Variants in STXBP3 observed in about 807,000 individuals in gnomAD.
STXBP3 encodes syntaxin binding protein 3.
Under a neutral mutation model 85.7 loss-of-function variants are expected in STXBP3, and 41 were observed. That is an observed-to-expected ratio of 0.48 (90% CI 0.37 to 0.62). STXBP3 has a LOEUF of 0.62. Ranked by LOEUF, STXBP3 falls within the 20% of genes least tolerant of loss-of-function variation. The probability of loss-of-function intolerance (pLI) is 0.00; values close to 1 mark genes in which losing one functional copy is unlikely to be tolerated. For synonymous variants in STXBP3, 229 were observed against 231.7 expected, an observed-to-expected ratio of 0.99 and a Z score of 0.10; for missense variants, 563 against 703.1, an observed-to-expected ratio of 0.80 and a Z score of 2.25.
At chr1:108,786,038 C>A (rs1043506723) in intron 11 of STXBP3, among the ~76,000 whole-genome samples, 6 of 152,206 alleles carry the variant, frequency 3.9e-5, no homozygotes, top group Admixed American at 3.9e-4. Context: ...TCCAAAGTTT[C>A]TTCCACATTT....
rs1439313820 is a variant in STXBP3 at position 108,796,220 on chromosome 1, T to G, written c.1111-14T>G. On this transcript the variant is annotated splice_polypyrimidine_tract_variant and intron_variant, in intron 13 of 18. Coordinates refer to ENST00000370008, the MANE Select transcript of STXBP3 (RefSeq NM_007269.4). ...TTGGTTATAGATCACTGACAATATT[T>G]TATTTTCATTAAGGACCTGGCACTT... is the stretch of plus-strand genomic sequence containing the variant. The G allele has an allele frequency of 6.3e-7, 1 of 1,596,604 alleles. No individual in the cohort carries two copies. Among genetic ancestry groups the G allele is most frequent in the Admixed American group, 1.8e-5 (1 of 54,384 alleles).
intron 3 of STXBP3, among the ~76,000 whole-genome samples, chr1:108,754,044 T>TTG (rs1443645009): frequency 6.6e-6 from 1 of 150,782 alleles, no homozygotes; most frequent in Non-Finnish European, 1.5e-5. Flanking sequence ...TTTTTTTTTT[T>TTG]TTTTTTGAGA....
Position 108,797,469 on chromosome 1 carries a change from G to A in STXBP3, c.1357-676G>A, listed in dbSNP as rs182489124. Among the ~76,000 whole-genome samples the A allele has an allele frequency of 1.4e-4, 21 of 147,436 alleles. No individual in the cohort carries two copies. The Admixed American group carries it at 1.4e-3, about 10-fold the overall frequency. On this transcript the variant is annotated intron_variant, in intron 15 of 18. Transcript: ENST00000370008. Reference sequence around the variant, plus strand: ...TCTCTGTAGCACAGGCTGGAGTGCAGTGGCATGACCTCGGCTCACGGCAAC... The same window carrying A: ...TCTCTGTAGCACAGGCTGGAGTGCAATGGCATGACCTCGGCTCACGGCAAC...
intron 6 of STXBP3, among the ~76,000 whole-genome samples, chr1:108,768,907 A>G (rs911541197): frequency 6.6e-6 from 1 of 152,150 alleles, no homozygotes; most frequent in African/African-American, 2.4e-5. Flanking sequence ...ATTTAAGGTA[A>G]GTGATGCTGT....
chr1:108,777,000 C>T (rs1175426224), intron 8 of STXBP3, among the ~76,000 whole-genome samples: 1 of 152,044 alleles, frequency 6.6e-6, no homozygotes, highest in African/African-American at 2.4e-5. Flanking sequence ...CATTGTTATC[C>T]TATGGAAATA....
intron 6 of STXBP3, among the ~76,000 whole-genome samples, chr1:108,763,731 A>G (rs564683417): frequency 1.2e-4 from 17 of 139,386 alleles, no homozygotes; most frequent in African/African-American, 4.6e-4. Context: ...ATGTGCTACC[A>G]TGCCCAGCTA....
intron 16 of STXBP3, among the ~76,000 whole-genome samples, chr1:108,799,302 G>A (rs1362122819): frequency 6.6e-6 from 1 of 151,930 alleles, no homozygotes; most frequent in African/African-American, 2.4e-5. Flanking sequence ...TTTCTCACAG[G>A]GATGATATAG....
At chr1:108,753,798 T>A (rs1159249074) in intron 3 of STXBP3, among the ~76,000 whole-genome samples, 1 of 152,104 alleles carries the variant, frequency 6.6e-6, no homozygotes, top group East Asian at 1.9e-4. Flanking sequence ...ATCCTTTAAC[T>A]CACTTATTAA....
intron 16 of STXBP3, 54 bp from the exon 17 acceptor site, chr1:108,800,166 C>G: frequency 7.6e-7 from 1 of 1,316,988 alleles, no homozygotes; most frequent in Non-Finnish European, 1.1e-6. Context: ...TTATGCCAAA[C>G]AAAGTCCTGC....
At chr1:108,790,225 T>G (rs1662947887) in intron 11 of STXBP3, among the ~76,000 whole-genome samples, 1 of 152,200 alleles carries the variant, frequency 6.6e-6, no homozygotes, top group African/African-American at 2.4e-5. Context: ...CTTTAGTCCT[T>G]TCAACTTTTG....
Position 108,746,674 on chromosome 1 carries a change from G to T in STXBP3, c.-64G>T. The T allele has an allele frequency of 3.2e-6, 5 of 1,542,088 alleles. No homozygotes were observed. The South Asian group carries it at 4.8e-5, about 15-fold the overall frequency. On this transcript the variant is annotated 5_prime_UTR_variant, in exon 1 of 19. Coordinates refer to ENST00000370008, the MANE Select transcript of STXBP3 (RefSeq NM_007269.4). ...CAAGGGGCGGGGCCACCCCAACGCC[G>T]CTTCTGCGGCCAAAGTAGGTTGGGA...
chr1:108,784,225 T>G (rs1570765401), intron 11 of STXBP3, among the ~76,000 whole-genome samples: 1 of 152,228 alleles, frequency 6.6e-6, no homozygotes, highest in Non-Finnish European at 1.5e-5. Context: ...CATTTAAGTC[T>G]GTAATTCACT....
chr1:108,806,208 T>C (rs1663328680), intron 17 of STXBP3, among the ~76,000 whole-genome samples: 1 of 152,162 alleles, frequency 6.6e-6, no homozygotes, highest in Admixed American at 6.5e-5. Flanking sequence ...TGCTAGCCAA[T>C]AGAACTTTCT....
intron 7 of STXBP3, among the ~76,000 whole-genome samples, chr1:108,773,759 G>T (rs1214978754): frequency 1.3e-5 from 2 of 152,102 alleles, no homozygotes; most frequent in Admixed American, 1.3e-4. Context: ...GAGGAAACCA[G>T]AGTACCAGGA....
intron 17 of STXBP3, 144 bp from the exon 18 acceptor site, chr1:108,807,257 C>CA (rs201346701): frequency 0.025 from 17,476 of 689,940 alleles, 135 homozygotes; most frequent in African/African-American, 0.073. Flanking sequence ...GACTCCACCT[C>CA]AAAAAAAAAA....
At chr1:108,765,693 C>T (rs1210537226) in intron 6 of STXBP3, among the ~76,000 whole-genome samples, 1 of 150,352 alleles carries the variant, frequency 6.7e-6, no homozygotes, top group Non-Finnish European at 1.5e-5. Flanking sequence ...GCCTCAGCCT[C>T]CAGAGTAGCT....
chr1:108,785,608 C>G (rs1662808988), intron 11 of STXBP3, among the ~76,000 whole-genome samples: 1 of 152,146 alleles, frequency 6.6e-6, no homozygotes, highest in Non-Finnish European at 1.5e-5. Flanking sequence ...GTTTCTTATG[C>G]AGATTTCAGC....
At chr1:108,760,613 T>C (rs1662120012) in intron 6 of STXBP3, among the ~76,000 whole-genome samples, 1 of 152,174 alleles carries the variant, frequency 6.6e-6, no homozygotes, top group Non-Finnish European at 1.5e-5. Flanking sequence ...CCTGAGTGTT[T>C]TACATAAATT....
intron 11 of STXBP3, among the ~76,000 whole-genome samples, chr1:108,793,042 T>G (rs2101130709): frequency 6.6e-6 from 1 of 152,184 alleles, no homozygotes; most frequent in Non-Finnish European, 1.5e-5. Context: ...CATGTGCAGC[T>G]TAGGGGTTCA....
Sources: gnomAD v4.1 joint callset for allele counts (sites outside exome capture counted in the v4.1 genomes callset) on GRCh38, gnomAD v4.1.1 for gene constraint, MANE v1.5 for transcripts, NCBI Gene and HGNC (gene_info 2026-07-23, HGNC 2026-07-21) for gene names.